The following VAMP4 variants were observed in gnomAD, a reference collection of about 807,000 sequenced individuals.
The protein encoded by VAMP4 is vesicle associated membrane protein 4.
Under a neutral mutation model 23.5 loss-of-function variants are expected in VAMP4, and 19 were observed. That is an observed-to-expected ratio of 0.81 (90% confidence interval 0.56 to 1.19). VAMP4 has a LOEUF of 1.19. Ranked by LOEUF, VAMP4 falls within the 50% of genes most tolerant of loss-of-function variation. VAMP4 has a pLI of 0.00. For missense variants in VAMP4, 145 were observed against 168.6 expected (o/e 0.86, Z 0.78); for synonymous variants, 31 against 51.0 (o/e 0.61, Z 1.67).
intron 1 of VAMP4, 71 bp from the exon 2 acceptor site, chr1:171,738,534 C>T: frequency 1.1e-6 from 1 of 952,134 alleles, no homozygotes; most frequent in South Asian, 1.6e-5. Flanking sequence ...AAACAGTGTA[C>T]ATGAAACCCT....
intron 3 of VAMP4, among the ~76,000 whole-genome samples, chr1:171,722,848 G>A (rs886636866): frequency 2.0e-5 from 3 of 150,574 alleles, no homozygotes; most frequent in East Asian, 2.0e-4. Flanking sequence ...GTCAGTGTGC[G>A]ATTCCTCAGG....
At chr1:171,706,872 C>A (rs1654674282) in intron 6 of VAMP4, among the ~76,000 whole-genome samples, 2 of 152,046 alleles carry the variant, frequency 1.3e-5, no homozygotes, top group Non-Finnish European at 2.9e-5. Flanking sequence ...GTACTTTAAG[C>A]CTTTTTTATT....
At chr1:171,732,865 A>C (rs1227511791) in intron 2 of VAMP4, among the ~76,000 whole-genome samples, 1 of 152,216 alleles carries the variant, frequency 6.6e-6, no homozygotes, top group Non-Finnish European at 1.5e-5. Flanking sequence ...CATCAAAAAC[A>C]AGGTTAAAAA....
chr1:171,738,343 A>G lies in VAMP4; in HGVS notation c.66+6T>C. On this transcript the variant is annotated splice_donor_region_variant and intron_variant, in intron 2 of 7. Coordinates refer to ENST00000236192, the MANE Select transcript of VAMP4 (RefSeq NM_003762.5). ...TTGTTTTTAAAGCTTAAGATTCCGA[A>G]CTTACCCTTTCACTTTTCACAGAAC... The G allele has an allele frequency of 1.2e-6, 2 of 1,613,804 alleles. No individual in the cohort carries two copies. Among genetic ancestry groups the G allele is most frequent in the Middle Eastern group, 3.3e-4 (2 of 6,058 alleles).
At chr1:171,728,796 A>G (rs1655458301) in intron 2 of VAMP4, among the ~76,000 whole-genome samples, 1 of 152,194 alleles carries the variant, frequency 6.6e-6, no homozygotes, top group South Asian at 2.1e-4. Context: ...ATAACTGACT[A>G]AAAAAGGTAG....
At chr1:171,731,557 T>C (rs1421617411) in intron 2 of VAMP4, among the ~76,000 whole-genome samples, 2 of 152,024 alleles carry the variant, frequency 1.3e-5, no homozygotes, top group Non-Finnish European at 2.9e-5. Flanking sequence ...TAAGCTGAGA[T>C]CCAAATAACA....
intron 4 of VAMP4, among the ~76,000 whole-genome samples, chr1:171,711,320 T>C (rs549191027): frequency 1.4e-4 from 22 of 152,132 alleles, no homozygotes; most frequent in African/African-American, 5.3e-4. Flanking sequence ...AAAATGGAAA[T>C]GTAGGGCATA....
intron 1 of VAMP4, among the ~76,000 whole-genome samples, chr1:171,740,946 G>C (rs113914171): frequency 1.8e-4 from 27 of 152,196 alleles, no homozygotes; most frequent in Admixed American, 2.0e-4. Flanking sequence ...ATTTGCAACT[G>C]ATTATTAGTA....
At chr1:171,728,651 TATA>T in intron 2 of VAMP4, 81 bp from the exon 3 acceptor site, 1 of 1,350,480 alleles carries the variant, frequency 7.4e-7, no homozygotes, top group Non-Finnish European at 1.0e-6. Flanking sequence ...AAATAAGTCC[TATA>T]CTAGTGAAAT....
chr1:171,708,997 GAA>G (rs758929548), intron 6 of VAMP4, among the ~76,000 whole-genome samples: 1 of 134,264 alleles, frequency 7.4e-6, no homozygotes. Context: ...AGAATCAGGA[GAA>G]AAAAAAAAAA....
At chr1:171,735,477 C>G (rs79397683) in intron 2 of VAMP4, among the ~76,000 whole-genome samples, 3,215 of 152,264 alleles carry the variant, frequency 0.021, 112 homozygotes, top group African/African-American at 0.073. Flanking sequence ...TCATCTTACA[C>G]AAAGGCAGAT....
chr1:171,734,589 G>T (rs1655678709), intron 2 of VAMP4, among the ~76,000 whole-genome samples: 1 of 152,152 alleles, frequency 6.6e-6, no homozygotes, highest in Admixed American at 6.5e-5. Context: ...TTAAGTGGGT[G>T]AATTGTATGG....
At chr1:171,721,164 C>G (rs911766041) in intron 3 of VAMP4, among the ~76,000 whole-genome samples, 1 of 152,000 alleles carries the variant, frequency 6.6e-6, no homozygotes, top group Non-Finnish European at 1.5e-5. Context: ...CCTGATAAAT[C>G]TACACACAAC....
chr1:171,705,358 G>A (rs1225039798), intron 7 of VAMP4, among the ~76,000 whole-genome samples: 4 of 152,114 alleles, frequency 2.6e-5, no homozygotes, highest in African/African-American at 9.7e-5. Flanking sequence ...TCAGCACCAC[G>A]TGTGGGGACC....
chr1:171,727,804 C>T (rs1326752657), intron 3 of VAMP4, among the ~76,000 whole-genome samples: 3 of 152,138 alleles, frequency 2.0e-5, no homozygotes, highest in Non-Finnish European at 4.4e-5. Context: ...ATCTCAAAAA[C>T]CATGCTGAAT....
chr1:171,728,484 T>C (rs1400559561), intron 3 of VAMP4, 40 bp downstream of exon 3: 4 of 1,465,212 alleles, frequency 2.7e-6, no homozygotes, highest in South Asian at 1.3e-5. Context: ...ATGTATTGTA[T>C]GTCAATTACA....
At chr1:171,715,336 A>G (rs543796266) in intron 4 of VAMP4, among the ~76,000 whole-genome samples, 2 of 152,330 alleles carry the variant, frequency 1.3e-5, no homozygotes, top group South Asian at 4.1e-4. Flanking sequence ...GACATTTCCA[A>G]TACTGTTTTA....
chr1:171,719,088 G>T, intron 4 of VAMP4, 83 bp downstream of exon 4: 1 of 1,242,046 alleles, frequency 8.1e-7, no homozygotes, highest in African/African-American at 1.5e-5. Context: ...GCTGCAGCCA[G>T]ATTTGGCTCA....
intron 3 of VAMP4, among the ~76,000 whole-genome samples, chr1:171,727,405 CACA>C (rs1439183321): frequency 2.0e-5 from 3 of 151,750 alleles, no homozygotes; most frequent in African/African-American, 4.8e-5. Flanking sequence ...AAATTAAAAC[CACA>C]ACAAGATACC....
Sources: allele counts gnomAD v4.1 joint callset (sites outside exome capture counted in the v4.1 genomes callset), GRCh38; gene constraint gnomAD v4.1.1; transcripts MANE v1.5; gene names NCBI Gene and HGNC (gene_info 2026-07-23, HGNC 2026-07-21).